The following BBOF1 variants were observed in gnomAD, a reference collection of about 807,000 sequenced individuals.
BBOF1 encodes the protein basal body orientation factor 1.
Under a neutral mutation model 68.0 loss-of-function variants are expected in BBOF1, and 62 were observed. The ratio of observed to expected loss-of-function variants is 0.91; its 90% CI spans 0.74 to 1.13. The LOEUF is 1.13. Among genes scored for constraint, BBOF1 ranks in the 50% most tolerant of loss-of-function variants. The pLI, the probability that BBOF1 is intolerant of heterozygous loss-of-function variation, is 0.00. For missense variants in BBOF1, 534 were observed against 600.1 expected (o/e 0.89, Z 1.15); for synonymous variants, 208 against 198.8 (o/e 1.05, Z -0.39).
intron 8 of BBOF1, among the ~76,000 whole-genome samples, chr14:74,053,751 G>A (rs906192841): frequency 2.0e-5 from 3 of 149,284 alleles, no homozygotes; most frequent in Admixed American, 6.7e-5. Context: ...TCACTCTGTC[G>A]CCCAGGCTGG....
chr14:74,033,960 A>C (rs1351144328), intron 3 of BBOF1, 68 bp from the exon 4 acceptor site: 6 of 1,327,696 alleles, frequency 4.5e-6, no homozygotes, highest in African/African-American at 1.5e-5. Flanking sequence ...GTAAGGCTTC[A>C]AATGAAACAT....
chr14:74,071,586 G>T, intron 9 of BBOF1: 3 of 1,607,138 alleles, frequency 1.9e-6, no homozygotes, highest in Non-Finnish European at 1.7e-6. Flanking sequence ...ACAGGAAGTG[G>T]TTCAGGCCAA....
chr14:74,049,908 CCTT>C lies in BBOF1; in HGVS notation c.1004_1006del (p.Leu335del). 1 of 1,614,132 alleles carries C rather than the reference CCTT, an allele frequency of 6.2e-7. No homozygotes were observed. Among genetic ancestry groups the C allele is most frequent in the Non-Finnish European group, 8.5e-7 (1 of 1,180,020 alleles). ...AGGTAGAAATTGACAAGCTGCAGCA[CCTT>C]CTTCAGATGAAGGACAGGGAAATGA... On this transcript the variant is annotated inframe_deletion, in exon 8 of 12. Transcript: ENST00000394009.
At chr14:74,027,148 G>A (rs2059449623) in intron 2 of BBOF1, among the ~76,000 whole-genome samples, 1 of 135,258 alleles carries the variant, frequency 7.4e-6, no homozygotes, top group African/African-American at 2.8e-5. Context: ...GTGCAGTGGT[G>A]CGATCTTGGC....
intron 1 of BBOF1, among the ~76,000 whole-genome samples, chr14:74,020,783 C>T (rs1283005559): frequency 2.0e-5 from 3 of 152,122 alleles, no homozygotes; most frequent in South Asian, 4.1e-4. Flanking sequence ...GGATGACAGC[C>T]GTGAGCCACC....
chr14:74,070,734 GA>G (rs1385101160), downstream of BBOF1: 2 of 174,934 alleles, frequency 1.1e-5, no homozygotes, highest in African/African-American at 2.4e-5. Flanking sequence ...CTGCAAAATG[GA>G]AAAATAATAC....
chr14:74,020,039 A>G (rs1345960484), intron 1 of BBOF1, among the ~76,000 whole-genome samples: 4 of 152,254 alleles, frequency 2.6e-5, no homozygotes, highest in African/African-American at 7.2e-5. Flanking sequence ...GTAACTTAAG[A>G]GAGTAATTCA....
chr14:74,022,663 G>T (rs930144722), intron 1 of BBOF1, among the ~76,000 whole-genome samples: 1 of 152,198 alleles, frequency 6.6e-6, no homozygotes, highest in Non-Finnish European at 1.5e-5. Context: ...CCTCCAGGAA[G>T]AGGCACTTAC....
At chr14:74,082,009 C>A (rs1057013395) in intron 12 of BBOF1, among the ~76,000 whole-genome samples, 1 of 152,144 alleles carries the variant, frequency 6.6e-6, no homozygotes, top group Non-Finnish European at 1.5e-5. Context: ...GAGTTCAAGA[C>A]CAGCCTGGGC....
At position 74,056,998 on chromosome 14, in the gene BBOF1, T is replaced by C; in HGVS notation, c.1463+18T>C. 1 of 1,606,698 alleles carries C rather than the reference T, an allele frequency of 6.2e-7. No homozygotes were observed. The highest frequency in any genetic ancestry group is 8.5e-7 in the Non-Finnish European group (1 of 1,174,680). On this transcript the variant is annotated intron_variant, in intron 10 of 11. Coordinates refer to ENST00000394009, the MANE Select transcript of BBOF1 (RefSeq NM_025057.3). ...GAATTTGGGTAAGAGCTCTCTTGCTTAAGTAATAAACATGAGCCCAACACG... is the reference window on the plus strand; with the variant it reads ...GAATTTGGGTAAGAGCTCTCTTGCTCAAGTAATAAACATGAGCCCAACACG...
chr14:74,021,775 C>A (rs2059304388), intron 1 of BBOF1, among the ~76,000 whole-genome samples: 2 of 152,008 alleles, frequency 1.3e-5, no homozygotes, highest in African/African-American at 4.8e-5. Flanking sequence ...GGCCTGGTGG[C>A]GGGCTCCTGT....
chr14:74,038,462 A>G (rs1316816242), intron 4 of BBOF1, among the ~76,000 whole-genome samples: 7 of 152,184 alleles, frequency 4.6e-5, no homozygotes, highest in Non-Finnish European at 1.5e-5. Flanking sequence ...CAGACCTTTC[A>G]AAGTGGGCCT....
chr14:74,050,162 G>T lies in BBOF1; in HGVS notation c.1253G>T (p.Ser418Ile). 1 of 1,570,986 alleles carries T rather than the reference G, an allele frequency of 6.4e-7. No individual in the cohort carries two copies. The change falls in exon 8 of 12, where the codon AGT becomes ATT. Residue 418 changes from serine to isoleucine, a missense_variant. By Grantham distance (142) the Ser-to-Ile change is moderately radical (BLOSUM62 -2). Transcript: ENST00000394009. ...GATGGCAGAGAGCACAGCACCAATA[G>T]TGTGAATCAGGATCTTCTGGAGGCC... is the stretch of plus-strand genomic sequence containing the variant. ...TFDGREHSTN[S>I]VNQDLLEAEK... is the part of the protein sequence containing the mutation.
At chr14:74,036,952 ATCTTTTTTTTTTTCTTTTT>A (rs1295533900) in intron 4 of BBOF1, among the ~76,000 whole-genome samples, 2,047 of 138,728 alleles carry the variant, frequency 0.015, 48 homozygotes, top group African/African-American at 0.053. Flanking sequence ...TTAAAATATT[ATCTTTTTTTTTTTCTTTTT>A]TCTTTTTTTT....
intron 11 of BBOF1, among the ~76,000 whole-genome samples, chr14:74,062,528 G>A (rs1406876856): frequency 1.3e-5 from 2 of 151,916 alleles, no homozygotes; most frequent in Non-Finnish European, 2.9e-5. Context: ...TTGAACCCTG[G>A]AGGCTGAGGT....
chr14:74,072,187 C>T (rs1351692219), intron 9 of BBOF1: 3 of 1,613,998 alleles, frequency 1.9e-6, no homozygotes, highest in Non-Finnish European at 2.5e-6. Context: ...AAAAGCATAC[C>T]ATTTAGATTT....
intron 9 of BBOF1, among the ~76,000 whole-genome samples, chr14:74,076,497 G>A (rs1435712783): frequency 6.6e-6 from 1 of 151,994 alleles, no homozygotes; most frequent in Non-Finnish European, 1.5e-5. Context: ...AAGTAGCTCA[G>A]ATTATAGGTG....
chr14:74,048,150 A>G, intron 7 of BBOF1, 76 bp downstream of exon 7: 1 of 1,384,372 alleles, frequency 7.2e-7, no homozygotes, highest in South Asian at 1.4e-5. Flanking sequence ...AAAATTGGGT[A>G]TAATAATGAT....
chr14:74,037,274 CTT>C (rs892262272), intron 4 of BBOF1, among the ~76,000 whole-genome samples: 273 of 65,990 alleles, frequency 4.1e-3, no homozygotes, highest in African/African-American at 0.014. Context: ...CGCCTGGCCT[CTT>C]TTTTTTTTTT....
Sources: gnomAD v4.1 joint callset for allele counts (sites outside exome capture counted in the v4.1 genomes callset) on GRCh38, gnomAD v4.1.1 for gene constraint, MANE v1.5 for transcripts, NCBI Gene and HGNC (gene_info 2026-07-23, HGNC 2026-07-21) for gene names.